The following PAN2 variants were observed in gnomAD, a reference collection of about 807,000 sequenced individuals.
The protein encoded by PAN2 is PAN2-PAN3 deadenylation complex catalytic subunit PAN2.
A neutral mutation model predicts 133.3 loss-of-function variants in PAN2; 68 were observed. That is an observed-to-expected ratio of 0.51 (90% CI 0.42 to 0.62). PAN2 has a LOEUF of 0.62. Ranked by LOEUF, PAN2 falls within the 20% of genes least tolerant of loss-of-function variation. PAN2 has a pLI of 0.00. For synonymous variants in PAN2, 462 were observed against 544.6 expected, an observed-to-expected ratio of 0.85 and a Z score of 2.11; for missense variants, 1,042 against 1,500.5, an observed-to-expected ratio of 0.69 and a Z score of 5.05.
chr12:56,326,049 G>A (rs1565635361), intron 8 of PAN2, among the ~76,000 whole-genome samples: 1 of 152,162 alleles, frequency 6.6e-6, no homozygotes, highest in Non-Finnish European at 1.5e-5. Flanking sequence ...GGCACTAAAT[G>A]CTTATGACAT....
chr12:56,326,715 C>T lies in PAN2; in HGVS notation c.1164G>A (p.Trp388Ter). Residue 388 changes from tryptophan (W) to a stop codon, truncating the protein, a stop_gained, in exon 7 of 26, where the codon TGG (tryptophan) becomes TGA (stop). Coordinates refer to ENST00000440411, the MANE Select transcript of PAN2 (RefSeq NM_014871.6). LOFTEE classifies it high-confidence loss of function. ...CLVDSLPPLD[W>*]SQDLLPLSLI... Reference sequence around the variant, plus strand: ...GGGAAAGAGGCAGCAGGTCCTGGCTCCAGTCCAGAGGAGGCAGTGAGTCCA... The same window carrying T: ...GGGAAAGAGGCAGCAGGTCCTGGCTTCAGTCCAGAGGAGGCAGTGAGTCCA... The T allele has an allele frequency of 6.2e-7, 1 of 1,613,966 alleles. No individual in the cohort carries two copies. The highest frequency in any genetic ancestry group is 1.7e-5 in the Admixed American group (1 of 60,008).
rs200928427 is a variant in PAN2, at chr12:56,319,507, C to T, written c.3091-20G>A. On this transcript the variant is annotated intron_variant, in intron 22 of 25. Coordinates refer to ENST00000440411, the MANE Select transcript of PAN2 (RefSeq NM_014871.6). The surrounding 1 kb of genome is among the most constrained non-coding windows in gnomAD (Gnocchi z 5.4). ...CACCACCTAGGAATAGAGAAAAGGA[C>T]AAGCCTTTTTCAGGAAGTGAGATGG... The T allele has an allele frequency of 1.2e-6, 2 of 1,605,104 alleles. No individual in the cohort carries two copies. Among genetic ancestry groups the T allele is most frequent in the Admixed American group, 1.7e-5 (1 of 58,630 alleles).
chr12:56,333,343 G>A (rs1457843552), intron 1 of PAN2, 135 bp from the exon 2 acceptor site: 1 of 539,560 alleles, frequency 1.9e-6, no homozygotes. Flanking sequence ...TGAAGCAGGC[G>A]GGGGAGGGAT....
chr12:56,330,085 C>A (rs1477229702), intron 2 of PAN2, among the ~76,000 whole-genome samples: 1 of 152,056 alleles, frequency 6.6e-6, no homozygotes, highest in Non-Finnish European at 1.5e-5. Context: ...TCTAGAGGGC[C>A]TAGAATAGTA....
Position 56,319,976 on chromosome 12 carries a change from A to G in PAN2, c.2834T>C (p.Leu945Pro). The change falls in exon 21 of 26, where the codon CTG becomes CCG. Residue 945 changes from leucine to proline, a missense_variant. By Grantham distance (98) the Leu-to-Pro change is moderately conservative. Transcript: ENST00000440411. The surrounding 1 kb of genome is among the most constrained non-coding windows in gnomAD (Gnocchi z 5.4). ...EASVLLAEAS[L>P]ARKQRKTHTT... is the part of the protein sequence containing the mutation. ...ATGTGTTTTCCGCTGCTTCCGTGCC[A>G]GCGAGGCTTCAGCCAGCAAGACACT... The G allele has an allele frequency of 6.2e-7, 1 of 1,614,236 alleles. No individual in the cohort carries two copies. The highest frequency in any genetic ancestry group is 1.3e-5 in the African/African-American group (1 of 75,064).
chr12:56,331,722 GT>G (rs1555167418), intron 2 of PAN2, among the ~76,000 whole-genome samples: 4 of 132,132 alleles, frequency 3.0e-5, no homozygotes, highest in Non-Finnish European at 4.9e-5. Flanking sequence ...TTTGTTTTTT[GT>G]TTTTTTTTGA....
chr12:56,318,324 A>C lies in PAN2; in HGVS notation c.3475T>G (p.Phe1159Val). 2 of 1,614,102 alleles carry C rather than the reference A, an allele frequency of 1.2e-6. No homozygotes were observed. Among genetic ancestry groups the C allele is most frequent in the Non-Finnish European group, 1.7e-6 (2 of 1,179,996 alleles). Reference sequence around the variant, plus strand: ...TAAAGACCCTTGAGCACCTTGTGGAAAGACTCAGGCTCAGTGCCATTTTTG... The same window carrying C: ...TAAAGACCCTTGAGCACCTTGTGGACAGACTCAGGCTCAGTGCCATTTTTG... ...LSKNGTEPES[F>V]HKVLKGLYEK... Residue 1159 changes from phenylalanine to valine, a missense_variant, in exon 25 of 26, where the codon TTC becomes GTC. Transcript: ENST00000440411.
Position 56,324,107 on chromosome 12 carries a change from A to G in PAN2, c.2007T>C (p.Cys669=), listed in dbSNP as rs1240167310. The G allele has an allele frequency of 6.2e-7, 1 of 1,614,154 alleles. No homozygotes were observed. The highest frequency in any genetic ancestry group is 1.7e-5 in the Admixed American group (1 of 60,020). The part of the protein sequence containing the change: ...CEMENCSLCR[C]GSETVRASST... ...ATGAGGCTCGCACGGTCTCACTGCC[A>G]CAGCGGCAGAGGCTGCAGTTCTCCA... The change falls in exon 13 of 26, where the codon TGT becomes TGC. Residue 669 remains cysteine (C), a synonymous_variant. Coordinates refer to ENST00000440411, the MANE Select transcript of PAN2 (RefSeq NM_014871.6).
chr12:56,330,653 C>T (rs1296899336), intron 2 of PAN2, among the ~76,000 whole-genome samples: 3 of 151,982 alleles, frequency 2.0e-5, no homozygotes, highest in Non-Finnish European at 4.4e-5. Context: ...GCCACCGCGC[C>T]CGGCCTGTAT....
Position 56,325,337 on chromosome 12 carries a change from T to C in PAN2, c.1477A>G (p.Lys493Glu). 6.2e-7 allele frequency: 1 copy of C among 1,614,162 alleles called. No individual in the cohort carries two copies. The highest frequency in any genetic ancestry group is 8.5e-7 in the Non-Finnish European group (1 of 1,180,022). The change falls in exon 9 of 26, where the codon AAG becomes GAG. Residue 493 changes from lysine to glutamate, a missense_variant and splice_region_variant. Coordinates refer to ENST00000440411, the MANE Select transcript of PAN2 (RefSeq NM_014871.6). ...CAGGCCCTGATGTCCCCCAGCACCTTGCGGTATTTCTTAGAAACCATGTGG... is the reference window on the plus strand; with the variant it reads ...CAGGCCCTGATGTCCCCCAGCACCTCGCGGTATTTCTTAGAAACCATGTGG... The part of the protein sequence containing the change: ...HLHMVSKKYR[K>E]VTIKYSKLGL...
chr12:56,323,923 A>C lies in PAN2; in HGVS notation c.2066-10T>G. Reference sequence around the variant, plus strand: ...TTCTTCCCAGTTTTATCTGAGGGAAAATTAGATGCTATACTCCTGGTTCTC... The same window carrying C: ...TTCTTCCCAGTTTTATCTGAGGGAACATTAGATGCTATACTCCTGGTTCTC... On this transcript the variant is annotated splice_polypyrimidine_tract_variant and intron_variant, in intron 13 of 25. Transcript: ENST00000440411. 6.2e-7 allele frequency: 1 copy of C among 1,610,314 alleles called. No individual in the cohort carries two copies. Among genetic ancestry groups the C allele is most frequent in the Non-Finnish European group, 8.5e-7 (1 of 1,176,512 alleles).
intron 10 of PAN2, 69 bp downstream of exon 10, chr12:56,324,939 AG>A: frequency 6.4e-7 from 1 of 1,563,550 alleles, no homozygotes; most frequent in Non-Finnish European, 8.7e-7. Flanking sequence ...TGGAAAGAGC[AG>A]GGTCGAGAGC....
At position 56,326,617 on chromosome 12, in the gene PAN2, C is replaced by T; in HGVS notation, c.1262G>A (p.Arg421Lys). Residue 421 changes from arginine to lysine, a missense_variant and splice_region_variant, in exon 7 of 26, where the codon AGG becomes AAG. Physicochemically the swap from Arg to Lys is conservative, Grantham distance 26 (BLOSUM62 2). Coordinates refer to ENST00000440411, the MANE Select transcript of PAN2 (RefSeq NM_014871.6). ...WPAANSAPAPRRAPPVDAEIL... is the reference protein window; with the variant it reads ...WPAANSAPAPKRAPPVDAEIL... The stretch of plus-strand genomic sequence containing the variant: ...TTTTGGCCCAGAGGTAGGGTACAAC[C>T]TGGGAGCTGGAGCAGAGTTGGCAGC... The T allele has an allele frequency of 1.9e-6, 3 of 1,610,562 alleles. No individual in the cohort carries two copies. Among genetic ancestry groups the T allele is most frequent in the Non-Finnish European group, 2.5e-6 (3 of 1,177,702 alleles).
chr12:56,318,608 A>G (rs1173178544), intron 24 of PAN2, 174 bp from the exon 25 acceptor site: 2 of 592,016 alleles, frequency 3.4e-6, no homozygotes, highest in Non-Finnish European at 6.0e-6. Context: ...ATCCATTAGT[A>G]ACTGTCACCA....
chr12:56,330,033 A>T (rs947016055), intron 2 of PAN2, among the ~76,000 whole-genome samples: 1 of 151,786 alleles, frequency 6.6e-6, no homozygotes, highest in Non-Finnish European at 1.5e-5. Flanking sequence ...AGTTCTCTAG[A>T]ATGTTCCTTC....
In PAN2 at chr12:56,322,719, C is replaced by T. The variant is rs1272933919; in HGVS notation, c.2533G>A (p.Val845Met). ...ACCACAGTAGCCATCAGGTCATACACATAGACACCATGCTCCTCCTCTGCC... is the reference window on the plus strand; with the variant it reads ...ACCACAGTAGCCATCAGGTCATACATATAGACACCATGCTCCTCCTCTGCC... ...ARAEEEHGVY[V>M]YDLMATVVHI... is the part of the protein sequence containing the mutation. The change falls in exon 18 of 26, where the codon GTG (valine) becomes ATG (methionine). Residue 845 changes from valine (V) to methionine (M), a missense_variant. By Grantham distance (21) the Val-to-Met change is conservative (BLOSUM62 1). Coordinates refer to ENST00000440411, the MANE Select transcript of PAN2 (RefSeq NM_014871.6). The T allele has an allele frequency of 1.2e-6, 2 of 1,613,960 alleles. No individual in the cohort carries two copies. The highest frequency in any genetic ancestry group is 2.2e-5 in the East Asian group (1 of 44,894).
At position 56,322,887 on chromosome 12, in the gene PAN2, C is replaced by T. The variant is rs1874717023; in HGVS notation, c.2494-129G>A. On this transcript the variant is annotated intron_variant, in intron 17 of 25. Coordinates refer to ENST00000440411, the MANE Select transcript of PAN2 (RefSeq NM_014871.6). ...AGGGTGGGTTATCTCCATCCTAGCC[C>T]ATCTAGGACCCCAACACTGAACTGA... The T allele has an allele frequency of 3.2e-6, 4 of 1,243,978 alleles. No individual in the cohort carries two copies. The South Asian group carries it at 5.5e-5, about 17-fold the overall frequency. The allele number at this position is 1,243,978 out of a possible 1,614,324, so 77.1% of individuals were successfully genotyped here. A position where few individuals can be genotyped will look rare whatever the true frequency, so the allele number is the denominator to read the frequency against.
chr12:56,317,413 A>ATGAT lies in PAN2; in HGVS notation c.*195_*196insATCA. 1.7e-6 allele frequency: 1 copy of ATGAT among 604,786 alleles called. No homozygotes were observed. The highest frequency in any genetic ancestry group is 2.1e-5 in the South Asian group (1 of 48,608). 37.5% of individuals were successfully genotyped at this position (604,786 alleles called of 1,614,324 possible). On this transcript the variant is annotated 3_prime_UTR_variant, in exon 26 of 26. Transcript: ENST00000440411. ...CTGTTTTGCAAAGAATGAAGAAGGA[A>ATGAT]TGAATCTGGCTCCTAGAACCTTTGC...
Position 56,327,518 on chromosome 12 carries a change from G to A in PAN2, c.765C>T (p.Ser255=). ...HGNLLAACGF[S]SRLTGLACDR... ...CGCAGGCCAGGCCAGTGAGGCGGCT[G>A]GAGAAGCCACAGGCAGCTAGCAGGT... The change falls in exon 6 of 26, where the codon TCC becomes TCT. Residue 255 remains serine (S), a synonymous_variant. Transcript: ENST00000440411. 6.2e-7 allele frequency: 1 copy of A among 1,614,224 alleles called. No homozygotes were observed. Among genetic ancestry groups the A allele is most frequent in the South Asian group, 1.1e-5 (1 of 91,090 alleles).
Sources: allele counts gnomAD v4.1 joint callset (sites outside exome capture counted in the v4.1 genomes callset), GRCh38; gene constraint gnomAD v4.1.1; non-coding constraint Gnocchi (gnomAD v3.1); transcripts MANE v1.5; gene names NCBI Gene and HGNC (gene_info 2026-07-23, HGNC 2026-07-21).